Variants in TSPAN5 observed in about 807,000 individuals in gnomAD.
TSPAN5 encodes tetraspanin 5, also known as tetraspanin-5.
TSPAN5 carries 10 observed loss-of-function variants against 37.1 expected under a neutral mutation model. That is an observed-to-expected ratio of 0.27 (90% CI 0.17 to 0.46). The LOEUF is 0.46. Among genes scored for constraint, TSPAN5 ranks in the 20% least tolerant of loss-of-function variants. The probability of loss-of-function intolerance (pLI) is 1.00; values close to 1 mark genes in which losing one functional copy is unlikely to be tolerated. For missense variants in TSPAN5, 195 were observed against 326.6 expected (o/e 0.60, Z 3.11); for synonymous variants, 110 against 118.9 (o/e 0.93, Z 0.48).
intron 1 of TSPAN5, among the ~76,000 whole-genome samples, chr4:98,654,517 C>T (rs1468897606): frequency 6.6e-6 from 1 of 152,180 alleles, no homozygotes; most frequent in Non-Finnish European, 1.5e-5. Context: ...AGAAATGTCC[C>T]AGTACGGTGA....
chr4:98,506,839 G>A (rs1156458148), intron 2 of TSPAN5, among the ~76,000 whole-genome samples: 2 of 152,156 alleles, frequency 1.3e-5, no homozygotes, highest in African/African-American at 2.4e-5. Flanking sequence ...TAGATGAAAT[G>A]CTGCAGGTGA....
At chr4:98,519,963 C>T (rs1753818731) in intron 1 of TSPAN5, among the ~76,000 whole-genome samples, 1 of 152,182 alleles carries the variant, frequency 6.6e-6, no homozygotes, top group South Asian at 2.1e-4. Context: ...TGAGATAACG[C>T]ATGTGCTCAA....
At position 98,482,181 on chromosome 4, in the gene TSPAN5, A is replaced by G. The variant is rs1752853749; in HGVS notation, c.280-6T>C. 1 of 1,613,278 alleles carries G rather than the reference A, an allele frequency of 6.2e-7. No homozygotes were observed. Among genetic ancestry groups the G allele is most frequent in the African/African-American group, 1.3e-5 (1 of 74,808 alleles). ...ATTCCCAGGAACACAGAAAACTAAG[A>G]TAAAAGACACATACACAGAGAACAG... On this transcript the variant is annotated splice_polypyrimidine_tract_variant and splice_region_variant and intron_variant, in intron 3 of 7. Transcript: ENST00000305798.
Position 98,658,375 on chromosome 4 carries a change from C to G in TSPAN5, c.-149G>C. 1 of 534,294 alleles carries G rather than the reference C, an allele frequency of 1.9e-6. No homozygotes were observed. The highest frequency in any genetic ancestry group is 3.2e-6 in the Non-Finnish European group (1 of 317,120). The allele number at this position is 534,294 out of a possible 1,614,324, so 33.1% of individuals were successfully genotyped here. On this transcript the variant is annotated 5_prime_UTR_variant, in exon 1 of 8. Transcript: ENST00000305798. ...GGCCTGGGCTCAGCCGCGCGGGGAC[C>G]GACCGGCGGAGAGCGGCTCCCGCAC...
At chr4:98,583,662 C>G (rs887859108) in intron 1 of TSPAN5, among the ~76,000 whole-genome samples, 1 of 152,240 alleles carries the variant, frequency 6.6e-6, no homozygotes, top group Admixed American at 6.5e-5. Flanking sequence ...AAGACCGGGA[C>G]TAACTCCTGC....
intron 1 of TSPAN5, among the ~76,000 whole-genome samples, chr4:98,641,032 A>G (rs564356252): frequency 1.4e-4 from 22 of 152,346 alleles, no homozygotes; most frequent in South Asian, 1.2e-3. Context: ...ATCAAGGCCC[A>G]TGTTTGAATC....
chr4:98,491,066 A>T (rs1753075266), intron 2 of TSPAN5, among the ~76,000 whole-genome samples: 4 of 152,160 alleles, frequency 2.6e-5, no homozygotes, highest in Admixed American at 2.6e-4. Context: ...TGCCTCAGAA[A>T]AAAAAAAAAT....
chr4:98,549,026 G>GT (rs1014708627), intron 1 of TSPAN5, among the ~76,000 whole-genome samples: 42 of 152,194 alleles, frequency 2.8e-4, no homozygotes, highest in African/African-American at 9.9e-4. Flanking sequence ...GACTTGAGGT[G>GT]TTTTTAAATA....
intron 1 of TSPAN5, among the ~76,000 whole-genome samples, chr4:98,566,897 G>C (rs145250048): frequency 6.6e-6 from 1 of 152,164 alleles, no homozygotes; most frequent in Non-Finnish European, 1.5e-5. Context: ...AACAAGCCTC[G>C]GCCTCAAGAG....
intron 1 of TSPAN5, among the ~76,000 whole-genome samples, chr4:98,545,871 G>A (rs1397164422): frequency 1.3e-5 from 2 of 151,946 alleles, no homozygotes; most frequent in African/African-American, 4.8e-5. Flanking sequence ...TATTTCAAAG[G>A]GCAGAAGGAA....
Position 98,658,219 on chromosome 4 carries a change from C to T in TSPAN5, c.8G>A (p.Gly3Glu), listed in dbSNP as rs1487551930. MS[G>E]KHYKGPEVSC... ...GACTTCAGGACCCTTGTAGTGCTTC[C>T]CGGACATCCTCTGGGTTCATGAAGA... The change falls in exon 1 of 8, where the codon GGG (glycine) becomes GAG (glutamate). Residue 3 changes from glycine (G) to glutamate (E), a missense_variant. Physicochemically the swap from Gly to Glu is moderately conservative, Grantham distance 98 (BLOSUM62 -2). Coordinates refer to ENST00000305798, the MANE Select transcript of TSPAN5 (RefSeq NM_005723.4). The T allele has an allele frequency of 2.5e-6, 4 of 1,614,000 alleles. No individual in the cohort carries two copies. Among genetic ancestry groups the T allele is most frequent in the Non-Finnish European group, 3.4e-6 (4 of 1,179,856 alleles).
chr4:98,568,653 G>T (rs1755059000), intron 1 of TSPAN5, among the ~76,000 whole-genome samples: 1 of 152,142 alleles, frequency 6.6e-6, no homozygotes, highest in African/African-American at 2.4e-5. Flanking sequence ...ATAACAGTTA[G>T]GGCTTAAAAG....
At chr4:98,566,856 C>T (rs927362889) in intron 1 of TSPAN5, among the ~76,000 whole-genome samples, 2 of 152,218 alleles carry the variant, frequency 1.3e-5, no homozygotes, top group African/African-American at 4.8e-5. Context: ...GAGATTCAAA[C>T]CCCAACACAA....
chr4:98,536,830 G>A (rs1213654527), intron 1 of TSPAN5, among the ~76,000 whole-genome samples: 1 of 152,184 alleles, frequency 6.6e-6, no homozygotes, highest in Non-Finnish European at 1.5e-5. Flanking sequence ...CAGCAATGGC[G>A]GACGCCCCTC....
intron 3 of TSPAN5, 196 bp downstream of exon 3, chr4:98,486,542 G>T: frequency 8.8e-6 from 5 of 567,496 alleles, no homozygotes; most frequent in Non-Finnish European, 1.5e-5. Context: ...GGGTGGTGGG[G>T]GTGGTGTTGT....
chr4:98,626,518 C>T (rs895906263), intron 1 of TSPAN5, among the ~76,000 whole-genome samples: 2 of 152,100 alleles, frequency 1.3e-5, no homozygotes, highest in Non-Finnish European at 1.5e-5. Context: ...GCCTTTCTGA[C>T]TCATTTCCTA....
chr4:98,563,352 A>G (rs576922996), intron 1 of TSPAN5, among the ~76,000 whole-genome samples: 2 of 152,272 alleles, frequency 1.3e-5, no homozygotes, highest in African/African-American at 2.4e-5. Context: ...TACATCCTCT[A>G]CATTTAAGAT....
chr4:98,488,807 C>T (rs1216862665), intron 2 of TSPAN5, among the ~76,000 whole-genome samples: 1 of 152,174 alleles, frequency 6.6e-6, no homozygotes, highest in Non-Finnish European at 1.5e-5. Context: ...AATCCCAACA[C>T]TTTGGGAGGC....
intron 2 of TSPAN5, 69 bp downstream of exon 2, chr4:98,507,609 G>A: frequency 8.5e-7 from 1 of 1,178,824 alleles, no homozygotes; most frequent in Non-Finnish European, 1.2e-6. Flanking sequence ...GAGAAAGGGG[G>A]ATAATACATA....
Sources: allele counts gnomAD v4.1 joint callset (sites outside exome capture counted in the v4.1 genomes callset), GRCh38; gene constraint gnomAD v4.1.1; transcripts MANE v1.5; gene names NCBI Gene and HGNC (gene_info 2026-07-23, HGNC 2026-07-21).